Variants in BAZ2B observed in about 807,000 individuals in gnomAD.
BAZ2B encodes bromodomain adjacent to zinc finger domain 2B.
A neutral mutation model predicts 246.0 loss-of-function variants in BAZ2B; 91 were observed. The observed-to-expected ratio is 0.37, with a 90% CI of 0.31 to 0.44. The LOEUF is 0.44. Ranked by LOEUF, BAZ2B falls within the 20% of genes least tolerant of loss-of-function variation. BAZ2B has a pLI of 1.00. For synonymous variants in BAZ2B, 855 were observed against 860.0 expected (o/e 0.99, Z 0.10); for missense variants, 2,332 against 2,533.7 (o/e 0.92, Z 1.71).
chr2:159,604,951 T>TGTGTGCGCGC (rs137899225), intron 1 of BAZ2B, among the ~76,000 whole-genome samples: 1 of 144,328 alleles, frequency 6.9e-6, no homozygotes, highest in African/African-American at 2.6e-5. Flanking sequence ...TGTGTGTGTG[T>TGTGTGCGCGC]GCGCGTGTGT....
At chr2:159,346,284 CTAAT>C (rs1222005260) in intron 31 of BAZ2B, among the ~76,000 whole-genome samples, 1 of 152,154 alleles carries the variant, frequency 6.6e-6, no homozygotes, top group African/African-American at 2.4e-5. Flanking sequence ...CTATGTTAAA[CTAAT>C]TATGAAGCAA....
At chr2:159,540,896 A>G (rs193052873) in intron 2 of BAZ2B, among the ~76,000 whole-genome samples, 108 of 152,296 alleles carry the variant, frequency 7.1e-4, no homozygotes, top group Non-Finnish European at 1.2e-3. Flanking sequence ...GTTTACTGAG[A>G]AGCAACAAGT....
intron 1 of BAZ2B, among the ~76,000 whole-genome samples, chr2:159,567,465 A>G (rs994998802): frequency 4.6e-5 from 7 of 152,342 alleles, no homozygotes; most frequent in South Asian, 4.1e-4. Flanking sequence ...ATTTTACTGA[A>G]TTGTCAAAGA....
At chr2:159,466,546 A>G (rs1366844409) in intron 3 of BAZ2B, among the ~76,000 whole-genome samples, 6 of 152,240 alleles carry the variant, frequency 3.9e-5, no homozygotes. Flanking sequence ...TATGGAGGAA[A>G]TTATAGCTGC....
chr2:159,349,362 T>A, intron 28 of BAZ2B, 82 bp from the exon 29 acceptor site: 1 of 1,350,138 alleles, frequency 7.4e-7, no homozygotes, highest in Non-Finnish European at 9.9e-7. Context: ...AAATTATTTT[T>A]CAAATTCCAA....
chr2:159,590,724 G>C (rs987860113), intron 1 of BAZ2B, among the ~76,000 whole-genome samples: 1 of 152,130 alleles, frequency 6.6e-6, no homozygotes, highest in Non-Finnish European at 1.5e-5. Context: ...AGGTGTGCTA[G>C]TCCCTAATTG....
chr2:159,376,763 ACT>A (rs999166178), intron 25 of BAZ2B, among the ~76,000 whole-genome samples: 1 of 151,928 alleles, frequency 6.6e-6, no homozygotes, highest in African/African-American at 2.4e-5. Flanking sequence ...AATTTTTAAG[ACT>A]CTTCCTATGA....
At chr2:159,592,109 G>A (rs1689532505) in intron 1 of BAZ2B, among the ~76,000 whole-genome samples, 2 of 150,706 alleles carry the variant, frequency 1.3e-5, no homozygotes, top group South Asian at 4.2e-4. Context: ...AACAGAGTGA[G>A]ACCTGTCTCA....
At chr2:159,522,442 A>C (rs1166291797) in intron 2 of BAZ2B, among the ~76,000 whole-genome samples, 1 of 152,172 alleles carries the variant, frequency 6.6e-6, no homozygotes, top group Non-Finnish European at 1.5e-5. Context: ...CAACAACAAC[A>C]ACAAAAAGCA....
intron 20 of BAZ2B, among the ~76,000 whole-genome samples, chr2:159,391,779 GA>G (rs2063360644): frequency 6.6e-6 from 1 of 151,826 alleles, no homozygotes; most frequent in Non-Finnish European, 1.5e-5. Context: ...AAGTCATATC[GA>G]TATTTATGAT....
At chr2:159,493,264 T>G (rs1032148797) in intron 2 of BAZ2B, among the ~76,000 whole-genome samples, 4 of 152,190 alleles carry the variant, frequency 2.6e-5, no homozygotes, top group Admixed American at 1.3e-4. Context: ...TAATTAAAAT[T>G]AAATAAAATT....
At chr2:159,509,576 T>C (rs868304153) in intron 2 of BAZ2B, among the ~76,000 whole-genome samples, 3 of 152,268 alleles carry the variant, frequency 2.0e-5, no homozygotes, top group South Asian at 2.1e-4. Context: ...CTATACAGTG[T>C]AACAGAATAA....
chr2:159,361,935 A>C (rs1053647475), intron 27 of BAZ2B, among the ~76,000 whole-genome samples: 4 of 142,900 alleles, frequency 2.8e-5, no homozygotes, highest in African/African-American at 1.0e-4. Flanking sequence ...GAGGGGAACA[A>C]CACACACTGG....
intron 13 of BAZ2B, among the ~76,000 whole-genome samples, chr2:159,414,539 G>A (rs1034422450): frequency 1.9e-4 from 29 of 152,182 alleles, no homozygotes; most frequent in African/African-American, 6.5e-4. Context: ...TCATGTGGCC[G>A]GGCGCGGTGG....
chr2:159,540,464 G>A (rs6717272), intron 2 of BAZ2B, among the ~76,000 whole-genome samples: 3,114 of 152,252 alleles, frequency 0.02, 94 homozygotes, highest in African/African-American at 0.066. Context: ...GATCACCTCA[G>A]GGCACACACT....
the BAZ2B span, among the ~76,000 whole-genome samples, chr2:159,646,228 TTC>T: frequency 3.3e-5 from 5 of 152,150 alleles, no homozygotes; most frequent in African/African-American, 1.2e-4. Context: ...AGAAAAAGAA[TTC>T]TGTGATATTT....
intron 2 of BAZ2B, among the ~76,000 whole-genome samples, chr2:159,494,104 G>A (rs1415677931): frequency 1.3e-5 from 2 of 152,086 alleles, no homozygotes; most frequent in Non-Finnish European, 2.9e-5. Flanking sequence ...CCTATTACTA[G>A]GTAGGCAAAG....
chr2:159,710,998 G>C, the BAZ2B span: 3 of 152,170 alleles, frequency 2.0e-5, no homozygotes, highest in Admixed American at 6.5e-5. Context: ...AGGAACTGAC[G>C]TGTTATCTCA....
chr2:159,467,677 G>A (rs72947571), intron 3 of BAZ2B, among the ~76,000 whole-genome samples: 40,713 of 150,022 alleles, frequency 0.27, 6,710 homozygotes, highest in Non-Finnish European at 0.38. Flanking sequence ...TTTGGGGTCG[G>A]AGACAACTGC....
Sources: allele counts gnomAD v4.1 joint callset (sites outside exome capture counted in the v4.1 genomes callset), GRCh38; gene constraint gnomAD v4.1.1; transcripts MANE v1.5; gene names NCBI Gene and HGNC (gene_info 2026-07-23, HGNC 2026-07-21).